SWAP70: variants seen among roughly 807,000 people sequenced by gnomAD.
SWAP70 encodes switch-associated protein 70.
In SWAP70, 34 loss-of-function variants were observed where a neutral mutation model predicts 80.2. The observed-to-expected ratio is 0.42, with a 90% CI of 0.32 to 0.56. The LOEUF is 0.56. SWAP70 is among the 20% of genes least tolerant of loss of function. SWAP70 has a pLI of 0.09. For missense variants in SWAP70, 578 were observed against 690.7 expected (o/e 0.84, Z 1.83); for synonymous variants, 239 against 238.5 (o/e 1.00, Z -0.02).
At chr11:9,739,650 T>C (rs1390520425) in intron 8 of SWAP70, among the ~76,000 whole-genome samples, 1 of 152,236 alleles carries the variant, frequency 6.6e-6, no homozygotes, top group East Asian at 1.9e-4. Flanking sequence ...ACAGATTAAC[T>C]GAAATGCTTG....
intron 1 of SWAP70, among the ~76,000 whole-genome samples, chr11:9,676,790 C>T (rs1469404665): frequency 6.6e-6 from 1 of 151,780 alleles, no homozygotes; most frequent in Non-Finnish European, 1.5e-5. Context: ...GCTGGGATTA[C>T]AGGCGCCCGC....
At chr11:9,691,057 A>G (rs2134444552) in intron 1 of SWAP70, among the ~76,000 whole-genome samples, 1 of 152,188 alleles carries the variant, frequency 6.6e-6, no homozygotes, top group East Asian at 1.9e-4. Flanking sequence ...AGCTGGGACT[A>G]CAGGCATGTG....
At chr11:9,719,780 G>T (rs1161085367) in intron 3 of SWAP70, among the ~76,000 whole-genome samples, 1 of 152,130 alleles carries the variant, frequency 6.6e-6, no homozygotes, top group African/African-American at 2.4e-5. Context: ...ACAGAACCAG[G>T]AACAAAACAG....
At chr11:9,671,684 A>T (rs1362196320) in intron 1 of SWAP70, among the ~76,000 whole-genome samples, 1 of 110,664 alleles carries the variant, frequency 9.0e-6, no homozygotes, top group Non-Finnish European at 1.7e-5. Context: ...AAATAGAAAT[A>T]TATAAATATA....
rs34803928 is a variant in SWAP70, at chr11:9,714,970, C to CTT, written c.414+1350_414+1351dup. Reference sequence around the variant, plus strand: ...TACAGGTGCCTGCCACCACACCTGCCTTTTTTTTTTTTTTTTTTTTAAGAA... The same window carrying CTT: ...TACAGGTGCCTGCCACCACACCTGCCTTTTTTTTTTTTTTTTTTTTTTAAGAA... On this transcript the variant is annotated intron_variant, in intron 3 of 11. Transcript: ENST00000318950. Among the ~76,000 whole-genome samples the CTT allele has an allele frequency of 7.8e-4, 86 of 109,996 alleles. 1 individual carries two copies. Among genetic ancestry groups the CTT allele is most frequent in the Admixed American group, 1.3e-3 (13 of 10,282 alleles). The allele number at this position is 109,996 out of a possible 152,430, so 72.2% of individuals were successfully genotyped here. A position where few individuals can be genotyped will look rare whatever the true frequency, so the allele number is the denominator to read the frequency against.
chr11:9,688,317 G>T (rs890375861), intron 1 of SWAP70, among the ~76,000 whole-genome samples: 2 of 152,176 alleles, frequency 1.3e-5, no homozygotes, highest in African/African-American at 4.8e-5. Flanking sequence ...ATCATGTGTG[G>T]TAGTTAGCAC....
Position 9,725,721 on chromosome 11 carries a change from G to A in SWAP70, c.642+836G>A, listed in dbSNP as rs1037222968. Among the ~76,000 whole-genome samples the A allele has an allele frequency of 2.1e-4, 31 of 151,116 alleles. No individual in the cohort carries two copies. In the South Asian group the frequency reaches 3.6e-3, roughly 18 times the overall value. ...TGAGTAGCTGGGACTACAGGTGTGC[G>A]CCACCACGTCCAGCTAGCTTTTGTA... On this transcript the variant is annotated intron_variant, in intron 4 of 11. Transcript: ENST00000318950.
intron 3 of SWAP70, among the ~76,000 whole-genome samples, chr11:9,721,480 T>C (rs1019087706): frequency 2.0e-5 from 3 of 151,356 alleles, no homozygotes; most frequent in African/African-American, 7.3e-5. Flanking sequence ...TCTTTTTTTT[T>C]TTTTTTAATG....
At chr11:9,675,866 G>A (rs1015707802) in intron 1 of SWAP70, among the ~76,000 whole-genome samples, 22 of 152,198 alleles carry the variant, frequency 1.4e-4, no homozygotes, top group African/African-American at 4.6e-4. Context: ...CTTTATCTCT[G>A]CACCCATCCT....
chr11:9,706,922 C>G (rs1054631615), intron 2 of SWAP70, among the ~76,000 whole-genome samples: 3 of 151,086 alleles, frequency 2.0e-5, no homozygotes, highest in Non-Finnish European at 4.4e-5. Flanking sequence ...TTATTTTTAG[C>G]TATCTCCTAC....
At chr11:9,685,695 G>A (rs1227449777) in intron 1 of SWAP70, among the ~76,000 whole-genome samples, 3 of 151,972 alleles carry the variant, frequency 2.0e-5, no homozygotes, top group African/African-American at 7.3e-5. Flanking sequence ...GTACAGTGGT[G>A]TGATTTCTGC....
chr11:9,707,877 TA>T (rs71472192), intron 2 of SWAP70, among the ~76,000 whole-genome samples: 11 of 98,776 alleles, frequency 1.1e-4, no homozygotes, highest in African/African-American at 1.6e-4. Context: ...TTAAAAAATT[TA>T]AAAAAAAATT....
chr11:9,678,837 T>G (rs1414783251), intron 1 of SWAP70, among the ~76,000 whole-genome samples: 1 of 152,114 alleles, frequency 6.6e-6, no homozygotes, highest in East Asian at 1.9e-4. Context: ...GCACTCTCAC[T>G]CGCTTCCTTA....
At chr11:9,727,150 G>A (rs1412837291) in intron 4 of SWAP70, among the ~76,000 whole-genome samples, 1 of 152,144 alleles carries the variant, frequency 6.6e-6, no homozygotes, top group Non-Finnish European at 1.5e-5. Context: ...CAGCACTTTG[G>A]GAGGCTGAGG....
At chr11:9,714,273 C>CT (rs547667652) in intron 3 of SWAP70, among the ~76,000 whole-genome samples, 35 of 134,312 alleles carry the variant, frequency 2.6e-4, no homozygotes, top group South Asian at 1.8e-3. Context: ...AGTCCCCACA[C>CT]TTTAAAAAAA....
rs747179867 is a variant in SWAP70 at position 9,724,738 on chromosome 11, C to A, written c.495C>A (p.Asn165Lys). The A allele has an allele frequency of 6.2e-7, 1 of 1,614,060 alleles. No individual in the cohort carries two copies. Among genetic ancestry groups the A allele is most frequent in the East Asian group, 2.2e-5 (1 of 44,860 alleles). The change falls in exon 4 of 12, where the codon AAC becomes AAA. Residue 165 changes from asparagine (N) to lysine (K), a missense_variant. Asn to Lys is a moderately conservative substitution (Grantham distance 94). Transcript: ENST00000318950. ...AACAATTTGAACATTATAAAATCAA[C>A]TTTGATGACAGTAAAAATGGCCTTT... Reference protein sequence around the residue: ...QQEQFEHYKINFDDSKNGLSA... With the variant: ...QQEQFEHYKIKFDDSKNGLSA...
chr11:9,701,262 T>C (rs113311276), intron 2 of SWAP70, among the ~76,000 whole-genome samples: 16,851 of 151,552 alleles, frequency 0.11, 1,873 homozygotes, highest in African/African-American at 0.29. Flanking sequence ...ACCTCCGCCT[T>C]CTGAGTTCAA....
Position 9,750,651 on chromosome 11 carries a change from G to C in SWAP70, c.*681G>C, listed in dbSNP as rs575285875. 1 of 152,448 alleles carries C rather than the reference G, an allele frequency of 6.6e-6. No homozygotes were observed. The highest frequency in any genetic ancestry group is 1.9e-4 in the East Asian group (1 of 5,190). 9.4% of individuals were successfully genotyped at this position (152,448 alleles called of 1,614,324 possible). The stretch of plus-strand genomic sequence containing the variant: ...GGGGCTCACTGCCACTGGGTACTCA[G>C]AACCTCTGTGGACTGGATGTCAGCT... On this transcript the variant is annotated 3_prime_UTR_variant, in exon 12 of 12. Coordinates refer to ENST00000318950, the MANE Select transcript of SWAP70 (RefSeq NM_015055.4).
At chr11:9,665,195 C>T (rs1021631045) in intron 1 of SWAP70, among the ~76,000 whole-genome samples, 1 of 152,100 alleles carries the variant, frequency 6.6e-6, no homozygotes, top group Admixed American at 6.5e-5. Context: ...TTTTCTTAGC[C>T]CCTTCTGGGA....
Sources: allele counts gnomAD v4.1 joint callset (sites outside exome capture counted in the v4.1 genomes callset), GRCh38; gene constraint gnomAD v4.1.1; transcripts MANE v1.5; gene names NCBI Gene and HGNC (gene_info 2026-07-23, HGNC 2026-07-21).